Variants in CKMT1B observed in about 807,000 individuals in gnomAD.
CKMT1B encodes the protein creatine kinase, mitochondrial 1B, also known as creatine kinase U-type, mitochondrial.
A neutral mutation model predicts 21.8 loss-of-function variants in CKMT1B; 13 were observed. The observed-to-expected ratio is 0.60, with a 90% CI of 0.39 to 0.95. The LOEUF (loss-of-function observed/expected upper bound fraction) is 0.95. Among genes scored for constraint, CKMT1B ranks in the 40% least tolerant of loss-of-function variants. CKMT1B has a pLI of 0.00. For synonymous variants in CKMT1B, 50 were observed against 80.3 expected (o/e 0.62, Z 2.02); for missense variants, 157 against 227.5 (o/e 0.69, Z 1.99).
rs1230355611 is a variant in CKMT1B, at chr15:43,595,961, C to T, written c.550C>T (p.Arg184Ter). ...SLPPACTRAE[R>*]REVERVVVDA... ...GCCTCCAGCTTGCACTCGAGCAGAG[C>T]GACGAGAGGTGGAACGTGTTGTGGT... Residue 184 changes from arginine to a stop codon, truncating the protein, a stop_gained, in exon 4 of 9, where the codon CGA becomes TGA. Coordinates refer to ENST00000441322, the MANE Select transcript of CKMT1B (RefSeq NM_001375484.1). LOFTEE classifies it high-confidence loss of function. 4.2e-5 allele frequency: 6 copies of T among 141,392 alleles called. No individual in the cohort carries two copies. The highest frequency in any genetic ancestry group is 2.2e-4 in the African/African-American group (1 of 4,582). 8.8% of individuals were successfully genotyped at this position (141,392 alleles called of 1,614,324 possible). A position where few individuals can be genotyped will look rare whatever the true frequency, so the allele number is the denominator to read the frequency against.
intron 8 of CKMT1B, 61 bp downstream of exon 8, chr15:43,599,013 A>G (rs1363125620): frequency 6.2e-7 from 1 of 1,603,326 alleles, no homozygotes; most frequent in Admixed American, 1.7e-5. Flanking sequence ...GAAATATGGC[A>G]GTGAGTGAGC....
intron 6 of CKMT1B, chr15:43,597,786 C>T (rs2085597253): frequency 9.7e-7 from 1 of 1,027,394 alleles, no homozygotes; most frequent in Admixed American, 4.7e-5. Context: ...AAAGCTTACA[C>T]CTTCATCTTC....
At chr15:43,596,675 A>G in intron 6 of CKMT1B, 144 bp downstream of exon 6, 2 of 1,316,366 alleles carry the variant, frequency 1.5e-6, no homozygotes, top group Non-Finnish European at 2.1e-6. Flanking sequence ...CCAGGACTAA[A>G]GGTGTAAACC....
At chr15:43,597,359 G>C in intron 6 of CKMT1B, 2 of 1,117,470 alleles carry the variant, frequency 1.8e-6, no homozygotes, top group Non-Finnish European at 2.4e-6. Context: ...GGGATAATGA[G>C]ATTTTCTACA....
In CKMT1B at chr15:43,596,523, C is replaced by G. The variant is rs2085570695; in HGVS notation, c.868C>G (p.Leu290Val). The change falls in exon 6 of 9, where the codon CTC becomes GTC. Residue 290 changes from leucine to valine, a missense_variant. Transcript: ENST00000441322. ...KRVFERFCRGLKEVERLIQER... is the reference protein window; with the variant it reads ...KRVFERFCRGVKEVERLIQER... ...AGTGTTTGAAAGATTCTGCCGAGGC[C>G]TCAAAGAGGTTAGAGAAGACTATGT... 6.2e-7 allele frequency: 1 copy of G among 1,607,318 alleles called. No homozygotes were observed. Among genetic ancestry groups the G allele is most frequent in the South Asian group, 1.1e-5 (1 of 90,854 alleles).
intron 8 of CKMT1B, 27 bp downstream of exon 8, chr15:43,598,979 G>A (rs2085632357): frequency 6.2e-7 from 1 of 1,610,910 alleles, no homozygotes; most frequent in Non-Finnish European, 8.5e-7. Context: ...TTAGGACAAG[G>A]AGAGGTATAG....
chr15:43,598,684 G>A, intron 7 of CKMT1B, 143 bp from the exon 8 acceptor site: 3 of 1,226,536 alleles, frequency 2.4e-6, no homozygotes, highest in Non-Finnish European at 3.3e-6. Context: ...GAGAGACCCT[G>A]TCTAAAAAAA....
intron 6 of CKMT1B, chr15:43,597,639 G>T (rs1595952817): frequency 1.1e-6 from 1 of 893,960 alleles, no homozygotes; most frequent in Admixed American, 4.8e-5. Context: ...TGACTACATG[G>T]TTAAGTGAAG....
chr15:43,598,810 C>A lies in CKMT1B; in HGVS notation c.1012-17C>A. On this transcript the variant is annotated splice_polypyrimidine_tract_variant and intron_variant, in intron 7 of 8. Coordinates refer to ENST00000441322, the MANE Select transcript of CKMT1B (RefSeq NM_001375484.1). ...TGCCTCTATTGACCCTGCTCCCAAT[C>A]CCTATCTCCTCTCTAGGATAGCCGC... 1 of 1,598,368 alleles carries A rather than the reference C, an allele frequency of 6.3e-7. No homozygotes were observed. Among genetic ancestry groups the A allele is most frequent in the East Asian group, 2.3e-5 (1 of 43,890 alleles).
rs536036079 is a variant in CKMT1B at position 43,598,935 on chromosome 15, C to T, written c.1120C>T (p.Arg374Ter). The T allele has an allele frequency of 7.3e-5, 117 of 1,610,548 alleles. 3 individuals are homozygous for T. The highest frequency in any genetic ancestry group is 9.4e-5 in the Non-Finnish European group (111 of 1,179,608). Reference protein sequence around the residue: ...GGVFDISNLDRLGKSEVELVQ... With the variant: ...GGVFDISNLD ...TGTCTTTGATATTTCTAATTTGGAC[C>T]GACTAGGCAAATCAGAGGTGAGATC... Residue 374 changes from arginine (R) to a stop codon, truncating the protein, a stop_gained, in exon 8 of 9, where the codon CGA (arginine) becomes TGA (stop). Transcript: ENST00000441322. LOFTEE classifies it high-confidence loss of function.
Position 43,598,959 on chromosome 15 carries a change from T to C in CKMT1B, c.1137+7T>C, listed in dbSNP as rs1289268745. The C allele has an allele frequency of 6.2e-7, 1 of 1,610,756 alleles. No homozygotes were observed. Among genetic ancestry groups the C allele is most frequent in the Non-Finnish European group, 8.5e-7 (1 of 1,179,400 alleles). ...CCGACTAGGCAAATCAGAGGTGAGA[T>C]CCTAAGGGATTAGGACAAGGAGAGG... On this transcript the variant is annotated splice_region_variant and intron_variant, in intron 8 of 8. Transcript: ENST00000441322.
rs1167223527 is a variant in CKMT1B, at chr15:43,597,154, T to A, written c.876+623T>A. ...TTCAAGTCTACATTAGAAATCCCCA[T>A]AAACTCAATTCAATTCTTACTGTAT... On this transcript the variant is annotated intron_variant, in intron 6 of 8. Coordinates refer to ENST00000441322, the MANE Select transcript of CKMT1B (RefSeq NM_001375484.1). Among the ~76,000 whole-genome samples the A allele has an allele frequency of 7.2e-5, 10 of 139,556 alleles. 1 individual carries two copies. Among genetic ancestry groups the A allele is most frequent in the Admixed American group, 6.9e-4 (10 of 14,534 alleles). 91.6% of individuals were successfully genotyped at this position (139,556 alleles called of 152,430 possible). A position where few individuals can be genotyped will look rare whatever the true frequency, so the allele number is the denominator to read the frequency against.
At chr15:43,596,351 T>C (rs2085567390) in intron 5 of CKMT1B, 57 bp from the exon 6 acceptor site, 17 of 1,400,466 alleles carry the variant, frequency 1.2e-5, no homozygotes, top group Non-Finnish European at 1.5e-5. Context: ...TTTTTTTCCC[T>C]CTATCTCTCC....
intron 6 of CKMT1B, 163 bp downstream of exon 6, chr15:43,596,694 C>A: frequency 9.1e-7 from 1 of 1,102,078 alleles, no homozygotes. Context: ...CCAGCTGGGA[C>A]CATACTGGGA....
chr15:43,599,395 T>C lies in CKMT1B; in HGVS notation c.*122T>C, dbSNP rs2085645644. On this transcript the variant is annotated 3_prime_UTR_variant, in exon 9 of 9. Transcript: ENST00000441322. ...TGCCTCCATCCTAGTAAAGACTCCTTGCTATGCTGCAGCTGTCTGTGTTAC... is the reference window on the plus strand; with the variant it reads ...TGCCTCCATCCTAGTAAAGACTCCTCGCTATGCTGCAGCTGTCTGTGTTAC... 15 of 1,478,398 alleles carry C rather than the reference T, an allele frequency of 1.0e-5. No homozygotes were observed. Among genetic ancestry groups the C allele is most frequent in the Non-Finnish European group, 1.3e-5 (14 of 1,079,282 alleles). 91.6% of individuals were successfully genotyped at this position (1,478,398 alleles called of 1,614,324 possible).
intron 6 of CKMT1B, 147 bp downstream of exon 6, chr15:43,596,678 T>G (rs1447038412): frequency 1.6e-5 from 21 of 1,282,798 alleles, no homozygotes; most frequent in Non-Finnish European, 1.9e-5. Flanking sequence ...GGACTAAAGG[T>G]GTAAACCAGC....
In CKMT1B at chr15:43,597,273, G is replaced by A. The variant is rs112761636; in HGVS notation, c.876+742G>A. On this transcript the variant is annotated intron_variant, in intron 6 of 8. Coordinates refer to ENST00000441322, the MANE Select transcript of CKMT1B (RefSeq NM_001375484.1). ...TTTCTACTATTTTTGGCAAGTAATA[G>A]ATAACATATTCTGACTATGAGTGGG... is the stretch of plus-strand genomic sequence containing the variant. The A allele has an allele frequency of 1.4e-4, 60 of 429,318 alleles. 7 individuals are homozygous for A. The African/African-American group carries it at 1.4e-3, about 10-fold the overall frequency. 26.6% of individuals were successfully genotyped at this position (429,318 alleles called of 1,614,324 possible).
chr15:43,598,090 G>C (rs1214742850), intron 6 of CKMT1B, 103 bp from the exon 7 acceptor site: 2 of 1,539,614 alleles, frequency 1.3e-6, no homozygotes, highest in African/African-American at 2.9e-5. Flanking sequence ...CCAAGTTTCT[G>C]TTCTAGACAT....
At chr15:43,599,087 C>G in intron 8 of CKMT1B, 70 bp from the exon 9 acceptor site, 1 of 1,594,382 alleles carries the variant, frequency 6.3e-7, no homozygotes, top group Non-Finnish European at 8.6e-7. Flanking sequence ...TGGAAATGAG[C>G]AGGCAAGTCA....
Sources: gnomAD v4.1 joint callset for allele counts (sites outside exome capture counted in the v4.1 genomes callset) on GRCh38, gnomAD v4.1.1 for gene constraint, MANE v1.5 for transcripts, NCBI Gene and HGNC (gene_info 2026-07-23, HGNC 2026-07-21) for gene names.